CEP112: variants seen among roughly 807,000 people sequenced by gnomAD.
CEP112 encodes the protein centrosomal protein 112.
A neutral mutation model predicts 153.0 loss-of-function variants in CEP112; 127 were observed. The ratio of observed to expected loss-of-function variants is 0.83; its 90% CI spans 0.72 to 0.96. The LOEUF (loss-of-function observed/expected upper bound fraction) is 0.96, where lower values mean the gene tolerates loss of function less well. Ranked by LOEUF, CEP112 falls within the 40% of genes least tolerant of loss-of-function variation. The pLI is 0.00. For missense variants in CEP112, 1,089 were observed against 1,101.2 expected, an observed-to-expected ratio of 0.99 and a Z score of 0.16; for synonymous variants, 358 against 374.4, an observed-to-expected ratio of 0.96 and a Z score of 0.51.
intron 23 of CEP112, among the ~76,000 whole-genome samples, chr17:65,738,581 G>A (rs1422137606): frequency 2.6e-5 from 4 of 152,058 alleles, no homozygotes; most frequent in African/African-American, 9.7e-5. Flanking sequence ...TTCTATGGTG[G>A]TTATTTCTGG....
At chr17:65,845,230 A>G (rs1241986915) in intron 21 of CEP112, among the ~76,000 whole-genome samples, 1 of 152,172 alleles carries the variant, frequency 6.6e-6, no homozygotes. Context: ...GAGGCAGGAG[A>G]ATCACTTGAA....
chr17:65,913,251 G>C (rs549346999), intron 19 of CEP112, among the ~76,000 whole-genome samples: 1 of 152,256 alleles, frequency 6.6e-6, no homozygotes, highest in South Asian at 2.1e-4. Context: ...TTCACAGACT[G>C]ATTTTATATC....
intron 24 of CEP112, among the ~76,000 whole-genome samples, chr17:65,675,360 C>T (rs954482756): frequency 2.0e-5 from 3 of 152,164 alleles, no homozygotes; most frequent in African/African-American, 7.2e-5. Flanking sequence ...TGTTCACCAC[C>T]ATGTCCAGCT....
intron 18 of CEP112, among the ~76,000 whole-genome samples, chr17:65,959,293 C>T (rs2062111495): frequency 6.6e-6 from 1 of 152,166 alleles, no homozygotes; most frequent in South Asian, 2.1e-4. Flanking sequence ...CTGCTAGGAG[C>T]TGAACACTCA....
In CEP112 at chr17:65,804,865, AT is replaced by A. The variant is rs558599675; in HGVS notation, c.2394+46938del. 7.8e-3 allele frequency among the ~76,000 whole-genome samples: 1,122 copies of A among 144,698 alleles called. 10 individuals are homozygous for A. The highest frequency in any genetic ancestry group is 0.021 in the African/African-American group (845 of 39,760). The allele number at this position is 144,698 out of a possible 152,430, so 94.9% of individuals were successfully genotyped here. On this transcript the variant is annotated intron_variant, in intron 21 of 26. Coordinates refer to ENST00000535342, the MANE Select transcript of CEP112 (RefSeq NM_001199165.4). The stretch of plus-strand genomic sequence containing the variant: ...GCAAAGGACAAACTCTGTACAATTA[AT>A]TTTTTTTTTTTTTGAGACGGGGTCT...
intron 17 of CEP112, among the ~76,000 whole-genome samples, chr17:65,989,577 G>A (rs1356091609): frequency 6.6e-6 from 1 of 151,954 alleles, no homozygotes; most frequent in Non-Finnish European, 1.5e-5. Context: ...AAAGCTGAGA[G>A]AATTCACCAA....
intron 21 of CEP112, among the ~76,000 whole-genome samples, chr17:65,835,069 A>G (rs1315595227): frequency 1.3e-5 from 2 of 152,096 alleles, no homozygotes; most frequent in Non-Finnish European, 1.5e-5. Context: ...GGAGGCTATT[A>G]TCCTTAGAAA....
At chr17:66,171,067 A>G (rs1361943709) in intron 4 of CEP112, among the ~76,000 whole-genome samples, 1 of 152,188 alleles carries the variant, frequency 6.6e-6, no homozygotes, top group Non-Finnish European at 1.5e-5. Context: ...CATACTTCTA[A>G]CAAGTTTGGA....
At chr17:65,829,611 G>A (rs780476594) in intron 21 of CEP112, among the ~76,000 whole-genome samples, 18 of 152,206 alleles carry the variant, frequency 1.2e-4, no homozygotes, top group African/African-American at 3.4e-4. Flanking sequence ...TTGATGTGGT[G>A]TGGAATAAAC....
intron 23 of CEP112, among the ~76,000 whole-genome samples, chr17:65,694,246 A>T (rs2048257306): frequency 6.6e-6 from 1 of 152,198 alleles, no homozygotes; most frequent in Admixed American, 6.5e-5. Context: ...GAGGAGATGG[A>T]GGCCAAGAAA....
chr17:65,890,306 C>T (rs906278039), intron 20 of CEP112, among the ~76,000 whole-genome samples: 14 of 152,188 alleles, frequency 9.2e-5, no homozygotes, highest in Non-Finnish European at 1.5e-4. Flanking sequence ...GGACCCAGTC[C>T]GAACTTCTCA....
At chr17:65,954,565 G>C (rs148415756) in intron 18 of CEP112, among the ~76,000 whole-genome samples, 731 of 152,160 alleles carry the variant, frequency 4.8e-3, no homozygotes, top group Non-Finnish European at 8.2e-3. Context: ...AGCGAATCAA[G>C]GAGGCATCAG....
intron 24 of CEP112, among the ~76,000 whole-genome samples, chr17:65,659,092 T>C (rs573766000): frequency 7.3e-6 from 1 of 136,940 alleles, no homozygotes; most frequent in East Asian, 2.3e-4. Context: ...GCATAGGAAA[T>C]AGAATGGTCT....
At chr17:65,666,842 C>G (rs2046718365) in intron 24 of CEP112, among the ~76,000 whole-genome samples, 3 of 152,006 alleles carry the variant, frequency 2.0e-5, no homozygotes, top group African/African-American at 7.2e-5. Flanking sequence ...TATACTCTGG[C>G]AAGGCATACT....
Position 66,053,740 on chromosome 17 carries a change from G to C in CEP112, c.1214C>G (p.Ser405Cys), listed in dbSNP as rs1159599628. ...MESEYMAQTQ[S>C]TNHMIKELEA... is the part of the protein sequence containing the mutation. ...AGAACAGGTTTAAAGACTCACTGTGGACTGTGTTTGCGCCATGTATTCACT... is the reference window on the plus strand; with the variant it reads ...AGAACAGGTTTAAAGACTCACTGTGCACTGTGTTTGCGCCATGTATTCACT... Residue 405 changes from serine (S) to cysteine (C), a missense_variant, in exon 12 of 27, where the codon TCC becomes TGC. By Grantham distance (112) the Ser-to-Cys change is moderately radical. Coordinates refer to ENST00000535342, the MANE Select transcript of CEP112 (RefSeq NM_001199165.4). The C allele has an allele frequency of 6.2e-7, 1 of 1,611,388 alleles. No individual in the cohort carries two copies. The highest frequency in any genetic ancestry group is 8.5e-7 in the Non-Finnish European group (1 of 1,178,762).
intron 23 of CEP112, among the ~76,000 whole-genome samples, chr17:65,738,703 G>T (rs2050945026): frequency 6.6e-6 from 1 of 152,098 alleles, no homozygotes; most frequent in Non-Finnish European, 1.5e-5. Context: ...CAAGAGAATA[G>T]ATTTTCTTTA....
chr17:65,636,973 C>T, intron 26 of CEP112, 151 bp downstream of exon 26: 1 of 632,446 alleles, frequency 1.6e-6, no homozygotes, highest in Non-Finnish European at 2.8e-6. Context: ...GGGGTGACTT[C>T]TTAAAGACAT....
chr17:65,874,073 T>C (rs1325953182), intron 20 of CEP112, among the ~76,000 whole-genome samples: 1 of 152,192 alleles, frequency 6.6e-6, no homozygotes, highest in African/African-American at 2.4e-5. Context: ...TGTACAGATA[T>C]TTTATTTGCT....
intron 23 of CEP112, among the ~76,000 whole-genome samples, chr17:65,707,355 G>A (rs2144669014): frequency 6.6e-6 from 1 of 152,228 alleles, no homozygotes; most frequent in South Asian, 2.1e-4. Flanking sequence ...CTTGGTCCAA[G>A]TCATGGCCAT....
Sources: gnomAD v4.1 joint callset for allele counts (sites outside exome capture counted in the v4.1 genomes callset) on GRCh38, gnomAD v4.1.1 for gene constraint, MANE v1.5 for transcripts, NCBI Gene and HGNC (gene_info 2026-07-23, HGNC 2026-07-21) for gene names.